The following NEK4 variants were observed in gnomAD, a reference collection of about 807,000 sequenced individuals.
NEK4 encodes the protein NIMA related kinase 4.
NEK4 carries 86 observed loss-of-function variants against 98.4 expected under a neutral mutation model. That is an observed-to-expected ratio of 0.87 (90% CI 0.73 to 1.05). The LOEUF (loss-of-function observed/expected upper bound fraction) is 1.05, where lower values mean the gene tolerates loss of function less well. NEK4 is among the 50% of genes least tolerant of loss of function. The probability of loss-of-function intolerance (pLI) is 0.00; values close to 1 mark genes in which losing one functional copy is unlikely to be tolerated. For missense variants in NEK4, 898 were observed against 950.3 expected, an observed-to-expected ratio of 0.94 and a Z score of 0.72; for synonymous variants, 328 against 342.2, an observed-to-expected ratio of 0.96 and a Z score of 0.46.
rs148965312 is a variant in NEK4, at chr3:52,752,933, T to TATATATATATACACACACACACAC, written c.964-598_964-597insGTGTGTGTGTGTGTATATATATAT. ...AAAAAAAAAAATATATATATATATA[T>TATATATATATACACACACACACAC]ACACACACACACACACACACAATGG... On this transcript the variant is annotated intron_variant, in intron 6 of 15. Transcript: ENST00000233027. Among the ~76,000 whole-genome samples the TATATATATATACACACACACACAC allele has an allele frequency of 2.6e-3, 197 of 75,292 alleles. 1 individual carries two copies. Among genetic ancestry groups the TATATATATATACACACACACACAC allele is most frequent in the African/African-American group, 6.9e-3 (126 of 18,244 alleles). 49.4% of individuals were successfully genotyped at this position (75,292 alleles called of 152,430 possible).
intron 7 of NEK4, 119 bp downstream of exon 7, chr3:52,751,813 G>T: frequency 1.0e-6 from 1 of 1,003,830 alleles, no homozygotes; most frequent in Non-Finnish European, 1.5e-6. Context: ...ATTCTTCTAT[G>T]TTTAAACTGA....
intron 13 of NEK4, among the ~76,000 whole-genome samples, chr3:52,740,393 A>C (rs77097629): frequency 0.017 from 2,522 of 152,286 alleles, 79 homozygotes; most frequent in African/African-American, 0.058. Context: ...GAAATGAAAG[A>C]TACAATATAT....
Position 52,722,605 on chromosome 3 carries a change from T to A in NEK4, c.2434-10736A>T, listed in dbSNP as rs183306612. Among the ~76,000 whole-genome samples the A allele has an allele frequency of 4.0e-3, 609 of 152,196 alleles. 3 individuals carry two copies. In the Middle Eastern group the frequency reaches 0.061, roughly 15 times the overall value. ...TGTCCCTAAGATCAGATGGCAGACT[T>A]ATTAGAAAATGATGTGGCCGGGCAC... On this transcript the variant is annotated intron_variant, in intron 15 of 15. Coordinates refer to ENST00000233027, the MANE Select transcript of NEK4 (RefSeq NM_003157.6).
intron 15 of NEK4, among the ~76,000 whole-genome samples, chr3:52,723,175 AG>A (rs2097361610): frequency 6.6e-6 from 1 of 152,194 alleles, no homozygotes; most frequent in South Asian, 2.1e-4. Flanking sequence ...ACTGCACTCC[AG>A]ATAGAATGAG....
intron 5 of NEK4, 31 bp downstream of exon 5, chr3:52,763,439 A>T (rs778390125): frequency 1.3e-6 from 2 of 1,592,044 alleles, no homozygotes; most frequent in Non-Finnish European, 1.7e-6. Flanking sequence ...CCATCTATTT[A>T]GCCCAGCTAT....
intron 15 of NEK4, among the ~76,000 whole-genome samples, chr3:52,726,133 TACAGCAAG>T (rs1414009180): frequency 6.6e-6 from 1 of 152,130 alleles, no homozygotes; most frequent in Non-Finnish European, 1.5e-5. Context: ...AGGAGACATA[TACAGCAAG>T]AAGATTAGAA....
intron 6 of NEK4, among the ~76,000 whole-genome samples, chr3:52,757,954 T>C (rs570332964): frequency 2.6e-4 from 39 of 152,002 alleles, no homozygotes; most frequent in African/African-American, 9.2e-4. Flanking sequence ...GGTGGGTGGA[T>C]TGCCTGAGGT....
Position 52,770,699 on chromosome 3 carries a change from G to C in NEK4, c.48C>G (p.Ser16Arg), listed in dbSNP as rs1301909055. Residue 16 changes from serine to arginine, a missense_variant, in exon 1 of 16, where the codon AGC (serine) becomes AGG (arginine). Transcript: ENST00000233027. ...YCYLRVVGKG[S>R]YGEVTLVKHR... Reference sequence around the variant, plus strand: ...GCTTCACAAGCGTCACCTCTCCATAGCTCCCCTTGCCCACGACCCGCAGGT... The same window carrying C: ...GCTTCACAAGCGTCACCTCTCCATACCTCCCCTTGCCCACGACCCGCAGGT... 1.9e-6 allele frequency: 3 copies of C among 1,577,418 alleles called. No homozygotes were observed. Among genetic ancestry groups the C allele is most frequent in the South Asian group, 1.2e-5 (1 of 86,090 alleles).
chr3:52,766,364 T>C lies in NEK4; in HGVS notation c.372A>G (p.Glu124=), dbSNP rs767317170. Residue 124 remains glutamate, a synonymous_variant, in exon 3 of 16, where the codon GAA becomes GAG. Transcript: ENST00000233027. ...TCAGATCTCGATGAAGGATGTGTTT[T>C]TCATGTAAATACTGAGGAAAGAAAC... ...QIAMALQYLH[E]KHILHRDLKT... is the part of the protein sequence containing the mutation. 1.9e-5 allele frequency: 31 copies of C among 1,611,444 alleles called. No individual in the cohort carries two copies. The Admixed American group carries it at 2.0e-4, about 10-fold the overall frequency.
intron 14 of NEK4, among the ~76,000 whole-genome samples, chr3:52,737,944 T>C (rs1194274886): frequency 6.6e-6 from 1 of 151,782 alleles, no homozygotes; most frequent in Non-Finnish European, 1.5e-5. Context: ...CTCCCGACTA[T>C]TTGGGACTAC....
At chr3:52,752,933 T>TATATATATATATATATACACACACACAC (rs148965312) in intron 6 of NEK4, among the ~76,000 whole-genome samples, 4 of 75,568 alleles carry the variant, frequency 5.3e-5, no homozygotes, top group African/African-American at 1.6e-4. Flanking sequence ...TATATATATA[T>TATATATATATATATATACACACACACAC]ACACACACAC....
intron 15 of NEK4, among the ~76,000 whole-genome samples, chr3:52,727,219 C>T (rs1405532446): frequency 6.6e-6 from 1 of 152,126 alleles, no homozygotes; most frequent in East Asian, 1.9e-4. Context: ...GGTGATCCAC[C>T]AGCCTCAGCC....
At chr3:52,734,666 C>CAAAA (rs59075830) in intron 15 of NEK4, 44 of 71,352 alleles carry the variant, frequency 6.2e-4, no homozygotes, top group Non-Finnish European at 7.9e-4. Flanking sequence ...GACTCCGTCT[C>CAAAA]AAAAAAAAAA....
intron 13 of NEK4, among the ~76,000 whole-genome samples, chr3:52,740,539 T>C (rs1444001094): frequency 6.6e-6 from 1 of 152,190 alleles, no homozygotes; most frequent in Non-Finnish European, 1.5e-5. Flanking sequence ...GGCTCATGCC[T>C]GTAATACCAG....
At chr3:52,731,979 T>C (rs1427182697) in intron 15 of NEK4, among the ~76,000 whole-genome samples, 2 of 152,238 alleles carry the variant, frequency 1.3e-5, no homozygotes, top group Non-Finnish European at 2.9e-5. Context: ...ACACACTCTC[T>C]TGCCTGCTGC....
In NEK4 at chr3:52,770,747, G is replaced by A; in HGVS notation, c.-1C>T. 1 of 1,561,788 alleles carries A rather than the reference G, an allele frequency of 6.4e-7. No homozygotes were observed. On this transcript the variant is annotated 5_prime_UTR_variant, in exon 1 of 16. Coordinates refer to ENST00000233027, the MANE Select transcript of NEK4 (RefSeq NM_003157.6). ...GGTAGCAGTAGGCGGCCAGGGGCAT[G>A]TTCCCAGCGCTGGCCCAGAGTCGGG...
At chr3:52,754,336 C>T (rs1366415042) in intron 6 of NEK4, 2 of 374,990 alleles carry the variant, frequency 5.3e-6, no homozygotes, top group Non-Finnish European at 1.1e-5. Context: ...GAATCATAAC[C>T]AAATTTGGCA....
At chr3:52,753,690 TC>T in intron 6 of NEK4, 1 of 579,840 alleles carries the variant, frequency 1.7e-6, no homozygotes, top group Non-Finnish European at 3.5e-6. Context: ...ACGGAGCCTG[TC>T]CCAGCAGCAC....
chr3:52,737,360 T>C, intron 15 of NEK4: 1 of 450,058 alleles, frequency 2.2e-6, no homozygotes. Flanking sequence ...GATTTGGCAG[T>C]GCGGACCATG....
Sources: allele counts gnomAD v4.1 joint callset (sites outside exome capture counted in the v4.1 genomes callset), GRCh38; gene constraint gnomAD v4.1.1; transcripts MANE v1.5; gene names NCBI Gene and HGNC (gene_info 2026-07-23, HGNC 2026-07-21).